Variants in ZNF469 observed in about 807,000 individuals in gnomAD.
ZNF469 encodes the protein zinc finger protein 469.
Under a neutral mutation model 1.0 loss-of-function variants are expected in ZNF469, and 1 was observed. The observed-to-expected ratio is 1.00, with a 90% confidence interval of 0.35 to 4.73. ZNF469 has a LOEUF of 4.73. ZNF469 is among the 30% of genes most tolerant of loss of function. The probability of loss-of-function intolerance (pLI) is 0.16; values close to 1 mark genes in which losing one functional copy is unlikely to be tolerated. For synonymous variants in ZNF469, 2,703 were observed against 2,363.4 expected, an observed-to-expected ratio of 1.14 and a Z score of -4.17; for missense variants, 6,100 against 5,356.3, an observed-to-expected ratio of 1.14 and a Z score of -4.33.
At position 88,431,608 on chromosome 16, in the gene ZNF469, C is replaced by T. The variant is rs778886933; in HGVS notation, c.4138C>T (p.His1380Tyr). The change falls in exon 3 of 3, where the codon CAC (histidine) becomes TAC (tyrosine). Residue 1380 changes from histidine (H) to tyrosine (Y), a missense_variant. By Grantham distance (83) the His-to-Tyr change is moderately conservative. Transcript: ENST00000565624. ...GGGGCCTCAGCCCTACAGCAGCCCC[C>T]ACAGTGAGTTGTTCCTCGGACCCAA... Reference protein sequence around the residue: ...KKGPQPYSSPHSELFLGPKDL... With the variant: ...KKGPQPYSSPYSELFLGPKDL... The T allele has an allele frequency of 4.5e-6, 7 of 1,550,366 alleles. No individual in the cohort carries two copies. In the East Asian group the frequency reaches 1.2e-4, roughly 27 times the overall value.
chr16:88,102,634 CG>C, the ZNF469 span, among the ~76,000 whole-genome samples: 9 of 152,352 alleles, frequency 5.9e-5, no homozygotes, highest in African/African-American at 2.2e-4. Flanking sequence ...GTCCTCACAG[CG>C]GTCCAGGGGC....
the ZNF469 span, among the ~76,000 whole-genome samples, chr16:88,167,977 G>A: frequency 6.6e-6 from 1 of 152,348 alleles, no homozygotes; most frequent in Middle Eastern, 3.4e-3. Context: ...AATCTGGCAC[G>A]ACCTGTCATG....
At chr16:88,271,014 G>A in the ZNF469 span, among the ~76,000 whole-genome samples, 1 of 152,214 alleles carries the variant, frequency 6.6e-6, no homozygotes, top group Non-Finnish European at 1.5e-5. Context: ...AGACAGGCCT[G>A]GGTTGGGATT....
the ZNF469 span, among the ~76,000 whole-genome samples, chr16:88,227,020 G>T: frequency 1.4e-5 from 2 of 145,312 alleles, no homozygotes; most frequent in South Asian, 4.5e-4. Context: ...CCGCGCCGGG[G>T]CCTGCGCGTT....
At chr16:88,401,945 TGGATGGGAAGATGGATGGGTGGA>T (rs1904889254) in intron 1 of ZNF469, among the ~76,000 whole-genome samples, 2 of 22,332 alleles carry the variant, frequency 9.0e-5, no homozygotes, top group Non-Finnish European at 2.1e-4. Flanking sequence ...GATACGTGGG[TGGATGGGAAGATGGATGGGTGGA>T]TGGATAGATA....
At position 88,438,752 on chromosome 16, in the gene ZNF469, C is replaced by T. The variant is rs1233128176; in HGVS notation, c.11282C>T (p.Thr3761Ile). 2.6e-6 allele frequency: 4 copies of T among 1,550,104 alleles called. No individual in the cohort carries two copies. The highest frequency in any genetic ancestry group is 3.5e-6 in the Non-Finnish European group (4 of 1,146,884). ...GCCAGCGGGCAGCTCCAGAGCGAGA[C>T]AGCCACCACCCCAGCCAAGCCCAGC... ...QPASGQLQSE[T>I]ATTPAKPSFP... The change falls in exon 3 of 3, where the codon ACA becomes ATA. Residue 3761 changes from threonine (T) to isoleucine (I), a missense_variant. Thr to Ile is a moderately conservative substitution (Grantham distance 89, BLOSUM62 -1). Transcript: ENST00000565624.
rs181748539 is a variant in ZNF469, at chr16:88,423,929, T to C, written c.-191-878T>C. 2.1e-3 allele frequency among the ~76,000 whole-genome samples: 327 copies of C among 152,356 alleles called. 4 individuals are homozygous for C. The highest frequency in any genetic ancestry group is 5.0e-4 in the Non-Finnish European group (34 of 68,038). ...AGTGAGGCGGTAAGCTCAGCTGTGT[T>C]CAAGTGGAGAGAATGAGGCTCCACC... On this transcript the variant is annotated intron_variant, in intron 1 of 2. Coordinates refer to ENST00000565624, the MANE Select transcript of ZNF469 (RefSeq NM_001367624.2).
intron 1 of ZNF469, among the ~76,000 whole-genome samples, chr16:88,401,820 C>A (rs1904879842): frequency 7.2e-6 from 1 of 139,656 alleles, no homozygotes. Context: ...TAGATGGATG[C>A]TTGGGTGGAT....
chr16:88,253,001 G>A, the ZNF469 span, among the ~76,000 whole-genome samples: 1 of 152,178 alleles, frequency 6.6e-6, no homozygotes, highest in Non-Finnish European at 1.5e-5. Flanking sequence ...TTCACATGGT[G>A]TTTTTGAGAT....
At chr16:88,167,246 G>A in the ZNF469 span, among the ~76,000 whole-genome samples, 2 of 151,940 alleles carry the variant, frequency 1.3e-5, no homozygotes, top group African/African-American at 2.4e-5. Context: ...TTTTTTAGTA[G>A]AGATGGGGTT....
the ZNF469 span, among the ~76,000 whole-genome samples, chr16:88,124,531 T>G: frequency 3.3e-5 from 5 of 152,042 alleles, no homozygotes; most frequent in African/African-American, 1.2e-4. Flanking sequence ...GCTGATTTCC[T>G]TTTTAATTTC....
At chr16:88,353,568 C>T in the ZNF469 span, among the ~76,000 whole-genome samples, 31,299 of 152,180 alleles carry the variant, frequency 0.21, 4,170 homozygotes, top group Non-Finnish European at 0.3. Flanking sequence ...AGAGAGGCTC[C>T]CGGAGCCCAT....
chr16:88,194,898 G>A, the ZNF469 span: 1 of 152,310 alleles, frequency 6.6e-6, no homozygotes, highest in Non-Finnish European at 1.5e-5. Flanking sequence ...GAATCGGTGG[G>A]GCTGGTCCAC....
At chr16:88,272,975 C>A in the ZNF469 span, among the ~76,000 whole-genome samples, 1 of 141,090 alleles carries the variant, frequency 7.1e-6, no homozygotes, top group Non-Finnish European at 1.5e-5. Flanking sequence ...GACGAGTGGA[C>A]GGATGGATGA....
chr16:88,101,061 C>T, the ZNF469 span: 101 of 217,688 alleles, frequency 4.6e-4, no homozygotes, highest in South Asian at 9.4e-4. Context: ...CACGCCTGCT[C>T]GCTCCAGGGT....
the ZNF469 span, among the ~76,000 whole-genome samples, chr16:88,346,941 C>G: frequency 6.6e-6 from 1 of 152,262 alleles, no homozygotes; most frequent in South Asian, 2.1e-4. Context: ...GCCTGGCCAC[C>G]CTCGGGAGAA....
In ZNF469 at chr16:88,430,911, C is replaced by T. The variant is rs908428236; in HGVS notation, c.3441C>T (p.Gly1147=). Residue 1147 remains glycine (G), a synonymous_variant, in exon 3 of 3, where the codon GGC becomes GGT. Transcript: ENST00000565624. ...KPRKAARQEA[G]GDGAPANPEE... is the part of the protein sequence containing the mutation. ...GGAAGGCGGCGAGGCAGGAAGCCGG[C>T]GGGGACGGAGCCCCCGCGAACCCCG... 17 of 1,536,996 alleles carry T rather than the reference C, an allele frequency of 1.1e-5. No individual in the cohort carries two copies. In the African/African-American group the frequency reaches 2.3e-4, roughly 21 times the overall value.
intron 1 of ZNF469, among the ~76,000 whole-genome samples, chr16:88,392,327 A>C (rs56926620): frequency 0.24 from 36,415 of 152,262 alleles, 4,705 homozygotes; most frequent in African/African-American, 0.33. Flanking sequence ...AGGGTCTCTG[A>C]GTGCCCTTGT....
intron 1 of ZNF469, among the ~76,000 whole-genome samples, chr16:88,403,030 G>T (rs188718739): frequency 6.6e-6 from 1 of 152,238 alleles, no homozygotes; most frequent in Non-Finnish European, 1.5e-5. Flanking sequence ...GTGGACGCGT[G>T]GGAGACATGG....
Sources: gnomAD v4.1 joint callset for allele counts (sites outside exome capture counted in the v4.1 genomes callset) on GRCh38, gnomAD v4.1.1 for gene constraint, MANE v1.5 for transcripts, NCBI Gene and HGNC (gene_info 2026-07-23, HGNC 2026-07-21) for gene names.